Variants in SLA observed in about 807,000 individuals in gnomAD.
SLA encodes the protein Src like adaptor.
In SLA, 16 loss-of-function variants were observed where a neutral mutation model predicts 30.3. That is an observed-to-expected ratio of 0.53 (90% confidence interval 0.36 to 0.80). SLA has a LOEUF of 0.80. Ranked by LOEUF, SLA falls within the 30% of genes least tolerant of loss-of-function variation. The probability of loss-of-function intolerance (pLI) is 0.01; values close to 1 mark genes in which losing one functional copy is unlikely to be tolerated. For missense variants in SLA, 310 were observed against 345.2 expected (o/e 0.90, Z 0.81); for synonymous variants, 143 against 137.8 (o/e 1.04, Z -0.26).
chr8:133,084,627 G>A (rs1391642826), intron 1 of SLA, among the ~76,000 whole-genome samples: 1 of 152,234 alleles, frequency 6.6e-6, no homozygotes, highest in Non-Finnish European at 1.5e-5. Context: ...AAGGCATTTT[G>A]TCAAGTCTGT....
chr8:133,061,901 CTACTATAT>C (rs1487931214), intron 2 of SLA, among the ~76,000 whole-genome samples: 1 of 152,130 alleles, frequency 6.6e-6, no homozygotes, highest in Non-Finnish European at 1.5e-5. Context: ...GGTGAGACTC[CTACTATAT>C]TAAGAAACAA....
chr8:133,055,649 ACT>A (rs1841308418), intron 3 of SLA, among the ~76,000 whole-genome samples: 1 of 152,140 alleles, frequency 6.6e-6, no homozygotes, highest in South Asian at 2.1e-4. Context: ...GTCAGTCTCA[ACT>A]CTCTTAGATG....
In SLA at chr8:133,043,167, G is replaced by A. The variant is rs116018290; in HGVS notation, c.484+1817C>T. On this transcript the variant is annotated intron_variant, in intron 7 of 8. Transcript: ENST00000338087. The stretch of plus-strand genomic sequence containing the variant: ...GGTTCGATGACCAGGAACATACTGC[G>A]GGAAGGCGCCAGTGCTGCACTGGGG... Among the ~76,000 whole-genome samples, 1,286 of 152,184 alleles carry A rather than the reference G, an allele frequency of 8.5e-3. 21 individuals carry two copies. The highest frequency in any genetic ancestry group is 0.029 in the African/African-American group (1,200 of 41,504).
intron 1 of SLA, among the ~76,000 whole-genome samples, chr8:133,077,854 C>T (rs781425669): frequency 2.0e-5 from 3 of 151,908 alleles, no homozygotes; most frequent in Non-Finnish European, 2.9e-5. Context: ...ACCCCCTAGA[C>T]AGCAGGAGCC....
chr8:133,052,472 G>T (rs1291489612), intron 3 of SLA, among the ~76,000 whole-genome samples: 1 of 152,164 alleles, frequency 6.6e-6, no homozygotes, highest in Non-Finnish European at 1.5e-5. Context: ...GGACGTAAAA[G>T]GGCTGGCCCA....
intron 8 of SLA, 132 bp downstream of exon 8, chr8:133,039,866 C>T: frequency 6.9e-7 from 1 of 1,450,542 alleles, no homozygotes; most frequent in Non-Finnish European, 9.2e-7. Flanking sequence ...CCCCCAGTTT[C>T]AGCAGGGCTG....
intron 6 of SLA, among the ~76,000 whole-genome samples, chr8:133,046,190 A>G (rs1028690241): frequency 6.6e-6 from 1 of 152,198 alleles, no homozygotes; most frequent in Non-Finnish European, 1.5e-5. Flanking sequence ...GGAGTAGAAA[A>G]CACCCAAGAG....
chr8:133,068,876 G>A (rs1393741284), intron 2 of SLA, among the ~76,000 whole-genome samples: 1 of 152,266 alleles, frequency 6.6e-6, no homozygotes, highest in Non-Finnish European at 1.5e-5. Context: ...GTCAGCCTGT[G>A]GCTCTGTTGG....
chr8:133,049,790 T>G (rs1840070328), intron 5 of SLA, 112 bp downstream of exon 5: 6 of 793,644 alleles, frequency 7.6e-6, no homozygotes, highest in Non-Finnish European at 1.3e-5. Context: ...GACTATCTCT[T>G]CTTGACCCAG....
intron 4 of SLA, chr8:133,050,247 C>T: frequency 3.9e-6 from 2 of 511,640 alleles, no homozygotes; most frequent in Non-Finnish European, 7.1e-6. Flanking sequence ...CAGGGATTAG[C>T]AGCTAATGTT....
intron 2 of SLA, 86 bp from the exon 3 acceptor site, chr8:133,060,286 A>G: frequency 1.3e-6 from 2 of 1,589,002 alleles, no homozygotes; most frequent in South Asian, 2.3e-5. Context: ...AGCATCGTGC[A>G]TCATTTTTCT....
intron 7 of SLA, 134 bp downstream of exon 7, chr8:133,044,850 A>T: frequency 1.2e-6 from 1 of 833,232 alleles, no homozygotes; most frequent in Non-Finnish European, 2.0e-6. Flanking sequence ...AGTCTGAATT[A>T]ACGAGAGAGC....
intron 3 of SLA, among the ~76,000 whole-genome samples, chr8:133,053,687 T>C (rs1840847076): frequency 6.6e-6 from 1 of 152,174 alleles, no homozygotes; most frequent in South Asian, 2.1e-4. Context: ...TTGTCTTTCC[T>C]AACATTAAAA....
At chr8:133,052,267 T>C (rs1840546990) in intron 3 of SLA, among the ~76,000 whole-genome samples, 1 of 152,236 alleles carries the variant, frequency 6.6e-6, no homozygotes, top group Non-Finnish European at 1.5e-5. Context: ...GCTTATCGAT[T>C]GATAAATAAA....
rs1176570917 is a variant in SLA at position 133,100,881 on chromosome 8, G to A, written c.-319+1672C>T. Among the ~76,000 whole-genome samples, 5 of 152,200 alleles carry A rather than the reference G, an allele frequency of 3.3e-5. No homozygotes were observed. In the South Asian group the frequency reaches 8.3e-4, roughly 25 times the overall value. ...AATAGCCTTAGGGGTTAGCCTAAGT[G>A]AAGTAACTCATGCTCTTACTTTACG... On this transcript the variant is annotated intron_variant, in intron 1 of 8. Transcript: ENST00000338087.
intron 2 of SLA, among the ~76,000 whole-genome samples, chr8:133,069,720 G>T (rs1843666187): frequency 6.6e-6 from 1 of 152,170 alleles, no homozygotes; most frequent in African/African-American, 2.4e-5. Context: ...GAAGAAAAAG[G>T]CCAGGTGTGG....
Position 133,048,019 on chromosome 8 carries a change from C to T in SLA, c.249-86G>A, listed in dbSNP as rs1036947490. 2.5e-4 allele frequency: 179 copies of T among 726,368 alleles called. 1 individual carries two copies. The African/African-American group carries it at 2.8e-3, about 11-fold the overall frequency. 45.0% of individuals were successfully genotyped at this position (726,368 alleles called of 1,614,324 possible). On this transcript the variant is annotated intron_variant, in intron 5 of 8. Coordinates refer to ENST00000338087, the MANE Select transcript of SLA (RefSeq NM_001045556.3). Reference sequence around the variant, plus strand: ...AATGCGCCACCCACCGTACTAAGCACCTGAAACCTAATCCTCACCTCAACC... The same window carrying T: ...AATGCGCCACCCACCGTACTAAGCATCTGAAACCTAATCCTCACCTCAACC...
chr8:133,049,731 TAA>T, intron 5 of SLA, 169 bp downstream of exon 5: 1 of 613,234 alleles, frequency 1.6e-6, no homozygotes, highest in Non-Finnish European at 2.9e-6. Flanking sequence ...GCAGAAGAGA[TAA>T]GTTAGCCCAA....
At chr8:133,055,183 G>A (rs1841146291) in intron 3 of SLA, among the ~76,000 whole-genome samples, 2 of 152,150 alleles carry the variant, frequency 1.3e-5, no homozygotes, top group African/African-American at 4.8e-5. Flanking sequence ...GCAGACTCCA[G>A]GTAAGTTGTC....
Sources: allele counts gnomAD v4.1 joint callset (sites outside exome capture counted in the v4.1 genomes callset), GRCh38; gene constraint gnomAD v4.1.1; transcripts MANE v1.5; gene names NCBI Gene and HGNC (gene_info 2026-07-23, HGNC 2026-07-21).